ITPKB: variants seen among roughly 807,000 people sequenced by gnomAD.
ITPKB encodes inositol-trisphosphate 3-kinase B.
ITPKB carries 13 observed loss-of-function variants against 69.4 expected under a neutral mutation model. The observed-to-expected ratio is 0.19, with a 90% CI of 0.12 to 0.30. The LOEUF is 0.30. Among genes scored for constraint, ITPKB ranks in the 10% least tolerant of loss-of-function variants. The pLI, the probability that ITPKB is intolerant of heterozygous loss-of-function variation, is 1.00. For synonymous variants in ITPKB, 584 were observed against 513.7 expected (o/e 1.14, Z -1.85); for missense variants, 1,240 against 1,250.5 (o/e 0.99, Z 0.13).
At chr1:226,685,510 A>C (rs1476954872) in intron 2 of ITPKB, among the ~76,000 whole-genome samples, 2 of 152,062 alleles carry the variant, frequency 1.3e-5, no homozygotes, top group Admixed American at 1.3e-4. Context: ...CCCCTCTCCC[A>C]CAGAGCCTCC....
intron 2 of ITPKB, among the ~76,000 whole-genome samples, chr1:226,728,449 T>C (rs1657487438): frequency 6.6e-6 from 1 of 152,134 alleles, no homozygotes; most frequent in Non-Finnish European, 1.5e-5. Context: ...TGTGAAATGA[T>C]TGTAACAAGT....
chr1:226,679,935 C>T (rs1656036532), intron 2 of ITPKB, among the ~76,000 whole-genome samples: 1 of 150,946 alleles, frequency 6.6e-6, no homozygotes, highest in South Asian at 2.1e-4. Flanking sequence ...AAAGCGCAGG[C>T]CAGGCGGAGA....
intron 2 of ITPKB, 79 bp from the exon 3 acceptor site, chr1:226,648,850 C>T: frequency 1.0e-6 from 1 of 991,156 alleles, no homozygotes; most frequent in Admixed American, 1.7e-5. Context: ...AAAGCAAAGG[C>T]CCTCATTGCC....
chr1:226,653,756 G>T (rs532692287), intron 2 of ITPKB, among the ~76,000 whole-genome samples: 1 of 152,334 alleles, frequency 6.6e-6, no homozygotes, highest in African/African-American at 2.4e-5. Flanking sequence ...TCTGGGCAGG[G>T]TGGTTAAACC....
intron 2 of ITPKB, chr1:226,657,198 T>G (rs1445620796): frequency 6.6e-6 from 1 of 152,226 alleles, no homozygotes; most frequent in Non-Finnish European, 1.5e-5. Context: ...AGTTTCTGGT[T>G]CAAGTCACTG....
intron 2 of ITPKB, among the ~76,000 whole-genome samples, chr1:226,680,322 C>G (rs1406920138): frequency 1.3e-5 from 2 of 152,198 alleles, no homozygotes; most frequent in Non-Finnish European, 1.5e-5. Flanking sequence ...CCTGAAATTC[C>G]TTGAGGTTTG....
At chr1:226,704,878 G>A (rs1012242374) in intron 2 of ITPKB, among the ~76,000 whole-genome samples, 1 of 152,208 alleles carries the variant, frequency 6.6e-6, no homozygotes, top group Admixed American at 6.5e-5. Context: ...TTGCACAGTG[G>A]AACAAACTCC....
At chr1:226,646,047 T>A (rs1044052551) in intron 4 of ITPKB, among the ~76,000 whole-genome samples, 13 of 152,094 alleles carry the variant, frequency 8.5e-5, no homozygotes, top group East Asian at 3.9e-4. Context: ...TCTCTCTCTC[T>A]CACACACACA....
At chr1:226,721,211 G>A (rs1657231176) in intron 2 of ITPKB, among the ~76,000 whole-genome samples, 1 of 150,848 alleles carries the variant, frequency 6.6e-6, no homozygotes, top group Non-Finnish European at 1.5e-5. Context: ...AGCCAGGCGT[G>A]GTGGCACATG....
At chr1:226,657,935 C>G (rs1571844032) in intron 2 of ITPKB, among the ~76,000 whole-genome samples, 1 of 152,316 alleles carries the variant, frequency 6.6e-6, no homozygotes, top group Middle Eastern at 3.4e-3. Flanking sequence ...GAGGCCTGAA[C>G]AAAGGCCTAC....
chr1:226,726,478 A>G (rs1013532454), intron 2 of ITPKB, among the ~76,000 whole-genome samples: 19 of 152,204 alleles, frequency 1.2e-4, no homozygotes, highest in African/African-American at 4.6e-4. Flanking sequence ...GGAATTCGAG[A>G]CCAGCCTGGG....
At chr1:226,645,797 AAG>A (rs1021714553) in intron 4 of ITPKB, among the ~76,000 whole-genome samples, 1 of 152,090 alleles carries the variant, frequency 6.6e-6, no homozygotes, top group African/African-American at 2.4e-5. Context: ...CTGTGGGCTA[AAG>A]ATAGTAAGGA....
At chr1:226,704,874 A>G (rs955721649) in intron 2 of ITPKB, among the ~76,000 whole-genome samples, 1 of 152,258 alleles carries the variant, frequency 6.6e-6, no homozygotes, top group African/African-American at 2.4e-5. Context: ...TCCTTTGCAC[A>G]GTGGAACAAA....
intron 7 of ITPKB, among the ~76,000 whole-genome samples, chr1:226,636,687 G>A (rs573047149): frequency 2.0e-5 from 3 of 152,148 alleles, no homozygotes; most frequent in Admixed American, 6.5e-5. Context: ...ACAGCTGCAG[G>A]GAGCCGCAGG....
Position 226,632,515 on chromosome 1 carries a change from G to C in ITPKB, c.*2156C>G, listed in dbSNP as rs1358156538. On this transcript the variant is annotated 3_prime_UTR_variant, in exon 8 of 8. Coordinates refer to ENST00000429204, the MANE Select transcript of ITPKB (RefSeq NM_002221.4). ...AACTAGCACGGTAAATACAAAAAAA[G>C]AGAAAAAAAAAACAGAAAACAAAAA... 2 of 148,190 alleles carry C rather than the reference G, an allele frequency of 1.3e-5. No individual in the cohort carries two copies. The highest frequency in any genetic ancestry group is 2.2e-4 in the South Asian group (1 of 4,618). The allele number at this position is 148,190 out of a possible 1,614,324, so 9.2% of individuals were successfully genotyped here. A position where few individuals can be genotyped will look rare whatever the true frequency, so the allele number is the denominator to read the frequency against.
At chr1:226,649,392 ATGAG>A (rs368469079) in intron 2 of ITPKB, among the ~76,000 whole-genome samples, 181 of 141,310 alleles carry the variant, frequency 1.3e-3, no homozygotes, top group African/African-American at 4.6e-3. Context: ...GCATGTGTGC[ATGAG>A]TGTGTGTGCA....
chr1:226,699,797 T>C (rs1188929863), intron 2 of ITPKB, among the ~76,000 whole-genome samples: 1 of 151,170 alleles, frequency 6.6e-6, no homozygotes, highest in African/African-American at 2.4e-5. Context: ...TTAGTCAGGG[T>C]TCTCTAGAAG....
chr1:226,698,942 A>T (rs1246914864), intron 2 of ITPKB, among the ~76,000 whole-genome samples: 1 of 152,256 alleles, frequency 6.6e-6, no homozygotes, highest in African/African-American at 2.4e-5. Context: ...CTAGAAAGCC[A>T]GTCTCACCTG....
At position 226,682,497 on chromosome 1, in the gene ITPKB, C is replaced by A. The variant is rs549077088; in HGVS notation, c.1933-33726G>T. Among the ~76,000 whole-genome samples, 23 of 152,326 alleles carry A rather than the reference C, an allele frequency of 1.5e-4. No homozygotes were observed. In the East Asian group the frequency reaches 4.4e-3, roughly 29 times the overall value. ...CCACCATGTGACCTGGGTAAAGCCACTCATTCATTCTGAGCCTTAGTTTCC... is the reference window on the plus strand; with the variant it reads ...CCACCATGTGACCTGGGTAAAGCCAATCATTCATTCTGAGCCTTAGTTTCC... On this transcript the variant is annotated intron_variant, in intron 2 of 7. Transcript: ENST00000429204.
Sources: allele counts gnomAD v4.1 joint callset (sites outside exome capture counted in the v4.1 genomes callset), GRCh38; gene constraint gnomAD v4.1.1; transcripts MANE v1.5; gene names NCBI Gene and HGNC (gene_info 2026-07-23, HGNC 2026-07-21).